The following FBN1 variants were observed in gnomAD, a reference collection of about 807,000 sequenced individuals.
FBN1 encodes the protein fibrillin 1.
A neutral mutation model predicts 365.1 loss-of-function variants in FBN1; 29 were observed. The ratio of observed to expected loss-of-function variants is 0.08; its 90% CI spans 0.06 to 0.11. The LOEUF (loss-of-function observed/expected upper bound fraction) is 0.11. Ranked by LOEUF, FBN1 falls within the 10% of genes least tolerant of loss-of-function variation. FBN1 has a pLI of 1.00. For missense variants in FBN1, 2,476 were observed against 3,703.2 expected (o/e 0.67, Z 8.60); for synonymous variants, 1,210 against 1,270.5 (o/e 0.95, Z 1.01).
chr15:48,528,232 A>G (rs542080846), intron 8 of FBN1, among the ~76,000 whole-genome samples: 1 of 152,372 alleles, frequency 6.6e-6, no homozygotes, highest in Admixed American at 6.5e-5. Flanking sequence ...AAAGGTTTAA[A>G]TGACAGCCCA....
intron 40 of FBN1, 29 bp from the exon 41 acceptor site, chr15:48,464,050 A>C (rs1214215850): frequency 6.2e-7 from 1 of 1,612,388 alleles, no homozygotes; most frequent in Non-Finnish European, 8.5e-7. Flanking sequence ...GTGGTATGTG[A>C]ATATGAAAAC....
chr15:48,583,161 C>T (rs1255180899), intron 6 of FBN1, among the ~76,000 whole-genome samples: 1 of 152,210 alleles, frequency 6.6e-6, no homozygotes, highest in Non-Finnish European at 1.5e-5. Flanking sequence ...TATTATACAT[C>T]TCCAGTCATT....
chr15:48,489,968 C>A lies in FBN1; in HGVS notation c.2965G>T (p.Gly989Cys), dbSNP rs1274304020. 2 of 1,614,016 alleles carry A rather than the reference C, an allele frequency of 1.2e-6. No homozygotes were observed. Among genetic ancestry groups the A allele is most frequent in the African/African-American group, 1.3e-5 (1 of 74,902 alleles). Residue 989 changes from glycine (G) to cysteine (C), a missense_variant, in exon 25 of 66, where the codon GGT (glycine) becomes TGT (cysteine). Transcript: ENST00000316623. ...GGACACTCCTCGCATTCCTCAGTAC[C>A]CCAGGCTGCCCCGACGGAGCAGCAG... ...ACCCSVGAAW[G>C]TEECEECPMR...
intron 49 of FBN1, among the ~76,000 whole-genome samples, chr15:48,443,396 G>T (rs1253855903): frequency 6.6e-6 from 1 of 152,058 alleles, no homozygotes; most frequent in Non-Finnish European, 1.5e-5. Context: ...ATTGTAGAAT[G>T]GGCACATTCA....
chr15:48,450,970 T>C lies in FBN1; in HGVS notation c.5545+1592A>G, dbSNP rs567927306. ...GTCTTCAACCCAACAGGCTGAATGG[T>C]TGCAAAACTCAAGTTAATTCCCTTT... On this transcript the variant is annotated intron_variant, in intron 45 of 65. Coordinates refer to ENST00000316623, the MANE Select transcript of FBN1 (RefSeq NM_000138.5). 7.9e-5 allele frequency among the ~76,000 whole-genome samples: 12 copies of C among 152,328 alleles called. No homozygotes were observed. In the South Asian group the frequency reaches 2.1e-3, roughly 26 times the overall value.
intron 43 of FBN1, among the ~76,000 whole-genome samples, chr15:48,459,037 C>T (rs1380403518): frequency 6.6e-6 from 1 of 152,238 alleles, no homozygotes; most frequent in Non-Finnish European, 1.5e-5. Flanking sequence ...CCCTTCCCCT[C>T]TCTGGGCCTC....
Position 48,487,116 on chromosome 15 carries a change from T to A in FBN1, c.3548A>T (p.Asn1183Ile). The change falls in exon 29 of 66, where the codon AAC becomes ATC. Residue 1183 changes from asparagine (N) to isoleucine (I), a missense_variant. By Grantham distance (149) the Asn-to-Ile change is moderately radical. This residue lies in a region of FBN1 where 1,780 missense variants were observed against 2,840.8 expected (regional missense o/e 0.63). Coordinates refer to ENST00000316623, the MANE Select transcript of FBN1 (RefSeq NM_000138.5). ...ATCGGGAGTTGAATGGTAGCCAGGG[T>A]TGCAGGCACACTGATACTTCCCTAT... ...NLIGKYQCACNPGYHSTPDRL... is the reference protein window; with the variant it reads ...NLIGKYQCACIPGYHSTPDRL... The A allele has an allele frequency of 6.2e-7, 1 of 1,613,812 alleles. No individual in the cohort carries two copies.
intron 8 of FBN1, among the ~76,000 whole-genome samples, chr15:48,528,336 T>C (rs2043934348): frequency 1.3e-5 from 2 of 152,190 alleles, no homozygotes; most frequent in Non-Finnish European, 2.9e-5. Context: ...GGGCCCTTTA[T>C]TGAAGATAAC....
intron 4 of FBN1, among the ~76,000 whole-genome samples, chr15:48,609,753 TC>T (rs1018802234): frequency 6.6e-6 from 1 of 151,654 alleles, no homozygotes; most frequent in African/African-American, 2.4e-5. Flanking sequence ...TCAGGAAGAG[TC>T]CCCCGTGTTC....
chr15:48,569,271 A>T (rs563891101), intron 6 of FBN1, among the ~76,000 whole-genome samples: 7 of 152,258 alleles, frequency 4.6e-5, no homozygotes, highest in Non-Finnish European at 8.8e-5. Context: ...ACCACAGGAC[A>T]TCATTTCACA....
intron 2 of FBN1, among the ~76,000 whole-genome samples, chr15:48,633,674 G>C (rs148134785): frequency 3.1e-4 from 47 of 152,252 alleles, no homozygotes; most frequent in African/African-American, 1.1e-3. Flanking sequence ...GCTGACCGCT[G>C]AGAGAGTAAT....
intron 32 of FBN1, among the ~76,000 whole-genome samples, chr15:48,477,571 C>A (rs573649183): frequency 6.6e-6 from 1 of 152,222 alleles, no homozygotes; most frequent in South Asian, 2.1e-4. Flanking sequence ...GTTTCTGTGG[C>A]AGACTTGGAC....
In FBN1 at chr15:48,489,952, T is replaced by C; in HGVS notation, c.2981A>G (p.Glu994Gly). Residue 994 changes from glutamate (E) to glycine (G), a missense_variant, in exon 25 of 66, where the codon GAG (glutamate) becomes GGG (glycine). Coordinates refer to ENST00000316623, the MANE Select transcript of FBN1 (RefSeq NM_000138.5). ...VGAAWGTEEC[E>G]ECPMRNTPEY... Reference sequence around the variant, plus strand: ...AGGAGTATTTCTCATGGGACACTCCTCGCATTCCTCAGTACCCCAGGCTGC... The same window carrying C: ...AGGAGTATTTCTCATGGGACACTCCCCGCATTCCTCAGTACCCCAGGCTGC... 6.2e-7 allele frequency: 1 copy of C among 1,614,164 alleles called. No homozygotes were observed. The highest frequency in any genetic ancestry group is 1.7e-5 in the Admixed American group (1 of 60,026).
chr15:48,552,268 T>C (rs1017934076), intron 6 of FBN1, among the ~76,000 whole-genome samples: 1 of 146,382 alleles, frequency 6.8e-6, no homozygotes, highest in African/African-American at 2.5e-5. Context: ...TTCAATGACT[T>C]TTTTTTTCTT....
intron 58 of FBN1, among the ~76,000 whole-genome samples, chr15:48,426,352 T>G (rs1346561461): frequency 6.6e-6 from 1 of 152,212 alleles, no homozygotes; most frequent in African/African-American, 2.4e-5. Context: ...TCTTTGTGGT[T>G]AATCCTGAAA....
At chr15:48,537,576 T>C in intron 7 of FBN1, 35 bp downstream of exon 7, 1 of 1,612,012 alleles carries the variant, frequency 6.2e-7, no homozygotes, top group East Asian at 2.2e-5. Flanking sequence ...GCAAATAAGA[T>C]TAATCCATTA....
intron 6 of FBN1, among the ~76,000 whole-genome samples, chr15:48,570,470 G>GAAA (rs35611018): frequency 7.2e-6 from 1 of 137,978 alleles, no homozygotes; most frequent in East Asian, 2.1e-4. Flanking sequence ...GGAAAACTTT[G>GAAA]AAAAAAAAAA....
intron 4 of FBN1, among the ~76,000 whole-genome samples, chr15:48,604,053 C>T (rs1025754808): frequency 9.9e-5 from 15 of 152,148 alleles, no homozygotes; most frequent in Middle Eastern, 3.2e-3. Flanking sequence ...CCAGAAAGAG[C>T]AGAAGAAATT....
intron 4 of FBN1, 113 bp from the exon 5 acceptor site, chr15:48,600,347 T>G: frequency 1.3e-6 from 1 of 769,830 alleles, no homozygotes; most frequent in Non-Finnish European, 2.3e-6. Context: ...CTTATCAGGA[T>G]TCATCTATTT....
Sources: gnomAD v4.1 joint callset for allele counts (sites outside exome capture counted in the v4.1 genomes callset) on GRCh38, gnomAD v4.1.1 for gene constraint, gnomAD v4.1.1 regional missense constraint, MANE v1.5 for transcripts, NCBI Gene and HGNC (gene_info 2026-07-23, HGNC 2026-07-21) for gene names.